TWSG1: variants seen among roughly 807,000 people sequenced by gnomAD.
TWSG1 encodes the protein twisted gastrulation protein homolog 1.
Under a neutral mutation model 23.0 loss-of-function variants are expected in TWSG1, and 15 were observed. The observed-to-expected ratio is 0.65, with a 90% CI of 0.44 to 1.00. TWSG1 has a LOEUF of 1.00. Among genes scored for constraint, TWSG1 ranks in the 50% least tolerant of loss-of-function variants. The pLI, the probability that TWSG1 is intolerant of heterozygous loss-of-function variation, is 0.00. For missense variants in TWSG1, 242 were observed against 278.7 expected, an observed-to-expected ratio of 0.87 and a Z score of 0.94; for synonymous variants, 86 against 92.8, an observed-to-expected ratio of 0.93 and a Z score of 0.42.
rs2298545 is a variant in TWSG1 at position 9,399,823 on chromosome 18, G to A, written c.*296G>A. ...TTGAAAGATCTGAGGTTTTTAACATGAAGTCTGACGTGGTTTTCCTCTAGC... is the reference window on the plus strand; with the variant it reads ...TTGAAAGATCTGAGGTTTTTAACATAAAGTCTGACGTGGTTTTCCTCTAGC... On this transcript the variant is annotated 3_prime_UTR_variant, in exon 5 of 5. Transcript: ENST00000262120. 102,249 of 221,902 alleles carry A rather than the reference G, an allele frequency of 0.46. 24,185 individuals are homozygous for A. The highest frequency in any genetic ancestry group is 0.53 in the Middle Eastern group (348 of 654). The allele number at this position is 221,902 out of a possible 1,614,324, so 13.7% of individuals were successfully genotyped here.
chr18:9,353,062 A>G lies in TWSG1; in HGVS notation c.124-6910A>G, dbSNP rs548984335. On this transcript the variant is annotated intron_variant, in intron 2 of 4. Transcript: ENST00000262120. ...ACATGCAAATATTTACCATTGTGTT[A>G]TAATTGCTTACAGTATTCAGAACAG... Among the ~76,000 whole-genome samples the G allele has an allele frequency of 3.9e-5, 6 of 152,288 alleles. No individual in the cohort carries two copies. The East Asian group carries it at 1.2e-3, about 29-fold the overall frequency.
At chr18:9,348,284 A>C (rs1199878570) in intron 2 of TWSG1, among the ~76,000 whole-genome samples, 1 of 152,168 alleles carries the variant, frequency 6.6e-6, no homozygotes, top group Non-Finnish European at 1.5e-5. Context: ...CTATTGTGGG[A>C]GTAGCCTAAC....
intron 3 of TWSG1, among the ~76,000 whole-genome samples, chr18:9,362,927 G>A (rs548528789): frequency 1.8e-4 from 27 of 152,232 alleles, no homozygotes; most frequent in African/African-American, 5.8e-4. Context: ...CTACTTTCTA[G>A]GATAAAACTG....
chr18:9,380,111 C>G (rs2040649433), intron 3 of TWSG1, among the ~76,000 whole-genome samples: 1 of 152,162 alleles, frequency 6.6e-6, no homozygotes, highest in African/African-American at 2.4e-5. Context: ...GTAGCAGTGT[C>G]TAAATTGGAT....
At chr18:9,394,593 A>G (rs960672098) in intron 3 of TWSG1, among the ~76,000 whole-genome samples, 1 of 152,224 alleles carries the variant, frequency 6.6e-6, no homozygotes, top group Non-Finnish European at 1.5e-5. Context: ...CAACACAAAA[A>G]TGTTTGAGAT....
At chr18:9,392,828 C>T (rs1032732248) in intron 3 of TWSG1, among the ~76,000 whole-genome samples, 1 of 152,058 alleles carries the variant, frequency 6.6e-6, no homozygotes, top group Non-Finnish European at 1.5e-5. Flanking sequence ...GACCATAGTA[C>T]GGTTACTAAT....
At chr18:9,384,689 G>C (rs1158965486) in intron 3 of TWSG1, among the ~76,000 whole-genome samples, 1 of 149,198 alleles carries the variant, frequency 6.7e-6, no homozygotes, top group African/African-American at 2.5e-5. Flanking sequence ...TCTGTCGCCC[G>C]GGCTGGAGTG....
At chr18:9,366,403 A>G (rs1055456371) in intron 3 of TWSG1, among the ~76,000 whole-genome samples, 20 of 152,228 alleles carry the variant, frequency 1.3e-4, no homozygotes, top group African/African-American at 4.1e-4. Context: ...GGAAAACAGG[A>G]TCAGACAGCT....
chr18:9,398,480 G>A (rs181661506), intron 4 of TWSG1, among the ~76,000 whole-genome samples: 84 of 151,976 alleles, frequency 5.5e-4, no homozygotes, highest in African/African-American at 1.9e-3. Context: ...TTTTTGAAAT[G>A]GAGTTTCACT....
chr18:9,354,873 G>T (rs1258341146), intron 2 of TWSG1, among the ~76,000 whole-genome samples: 1 of 151,920 alleles, frequency 6.6e-6, no homozygotes, highest in Non-Finnish European at 1.5e-5. Context: ...TAAAATTTTG[G>T]TAAAACCTTT....
At chr18:9,346,671 G>A (rs1456383504) in intron 2 of TWSG1, among the ~76,000 whole-genome samples, 2 of 152,178 alleles carry the variant, frequency 1.3e-5, no homozygotes, top group African/African-American at 4.8e-5. Flanking sequence ...GGCCACAGTA[G>A]GAGGATGGCT....
intron 2 of TWSG1, 91 bp downstream of exon 2, chr18:9,337,443 T>C (rs1281531814): frequency 1.4e-6 from 2 of 1,397,996 alleles, no homozygotes; most frequent in Admixed American, 1.8e-5. Flanking sequence ...ATATATCATA[T>C]AGAGTAAGAC....
intron 3 of TWSG1, among the ~76,000 whole-genome samples, chr18:9,393,693 G>A (rs1216500433): frequency 6.6e-6 from 1 of 152,056 alleles, no homozygotes; most frequent in Non-Finnish European, 1.5e-5. Flanking sequence ...GAGTAGCTGG[G>A]ACTACAAGCA....
intron 2 of TWSG1, among the ~76,000 whole-genome samples, chr18:9,339,774 A>C (rs2040437831): frequency 6.6e-6 from 1 of 151,106 alleles, no homozygotes; most frequent in East Asian, 2.0e-4. Context: ...CTGCACTCCC[A>C]CCTGGGCGAC....
intron 2 of TWSG1, among the ~76,000 whole-genome samples, chr18:9,347,118 C>A (rs982905214): frequency 2.0e-5 from 3 of 152,072 alleles, no homozygotes; most frequent in Non-Finnish European, 2.9e-5. Context: ...CATTTGTATA[C>A]CTTTTTGGGT....
At chr18:9,398,037 C>CA (rs2040746015) in intron 4 of TWSG1, among the ~76,000 whole-genome samples, 1 of 126,546 alleles carries the variant, frequency 7.9e-6, no homozygotes, top group Non-Finnish European at 1.7e-5. Context: ...ACCAAGAAAA[C>CA]AAAAAACAGT....
Position 9,334,792 on chromosome 18 carries a change from G to A in TWSG1, c.-166G>A, listed in dbSNP as rs1490330816. The A allele has an allele frequency of 6.6e-6, 1 of 152,206 alleles. No homozygotes were observed. Among genetic ancestry groups the A allele is most frequent in the East Asian group, 1.9e-4 (1 of 5,152 alleles). The allele number at this position is 152,206 out of a possible 1,614,324, so 9.4% of individuals were successfully genotyped here. ...CTCTTTAAGGTGCCCGAGGCTCGCG[G>A]GCGCTGCGCTGAGGGGACGGCGGGA... On this transcript the variant is annotated 5_prime_UTR_variant, in exon 1 of 5. Coordinates refer to ENST00000262120, the MANE Select transcript of TWSG1 (RefSeq NM_020648.6). The surrounding 1 kb of genome is among the most constrained non-coding windows in gnomAD (Gnocchi z 4.7).
At chr18:9,346,159 C>G (rs554513124) in intron 2 of TWSG1, among the ~76,000 whole-genome samples, 2 of 152,152 alleles carry the variant, frequency 1.3e-5, no homozygotes, top group South Asian at 2.1e-4. Context: ...TACCTCCCCC[C>G]AGTCCCCTAG....
At chr18:9,339,795 T>C (rs1370503954) in intron 2 of TWSG1, among the ~76,000 whole-genome samples, 1 of 151,452 alleles carries the variant, frequency 6.6e-6, no homozygotes, top group Non-Finnish European at 1.5e-5. Context: ...AGAGCAAGAC[T>C]CTGTCTCAAA....
Sources: gnomAD v4.1 joint callset for allele counts (sites outside exome capture counted in the v4.1 genomes callset) on GRCh38, gnomAD v4.1.1 for gene constraint, Gnocchi (gnomAD v3.1) non-coding constraint, MANE v1.5 for transcripts, NCBI Gene and HGNC (gene_info 2026-07-23, HGNC 2026-07-21) for gene names.